The following ROCK1 variants were observed in gnomAD, a reference collection of about 807,000 sequenced individuals.
ROCK1 encodes the protein Rho associated coiled-coil containing protein kinase 1.
Under a neutral mutation model 196.8 loss-of-function variants are expected in ROCK1, and 36 were observed. The observed-to-expected ratio is 0.18, with a 90% CI of 0.14 to 0.24. ROCK1 has a LOEUF of 0.24. Among genes scored for constraint, ROCK1 ranks in the 10% least tolerant of loss-of-function variants. The probability of loss-of-function intolerance (pLI) is 1.00; values close to 1 mark genes in which losing one functional copy is unlikely to be tolerated. For synonymous variants in ROCK1, 443 were observed against 515.9 expected (o/e 0.86, Z 1.91); for missense variants, 920 against 1,562.0 (o/e 0.59, Z 6.93).
At chr18:21,032,223 G>T (rs2036014710) in intron 9 of ROCK1, among the ~76,000 whole-genome samples, 1 of 152,152 alleles carries the variant, frequency 6.6e-6, no homozygotes, top group Admixed American at 6.6e-5. Context: ...GAAGAAAAAG[G>T]AGTATCAGTA....
intron 1 of ROCK1, among the ~76,000 whole-genome samples, chr18:21,109,437 T>C (rs946029033): frequency 6.6e-6 from 1 of 152,190 alleles, no homozygotes; most frequent in Non-Finnish European, 1.5e-5. Context: ...GAAAACTGGA[T>C]AAATATTAAA....
intron 1 of ROCK1, among the ~76,000 whole-genome samples, chr18:21,078,206 G>T (rs1310296972): frequency 2.6e-5 from 4 of 152,072 alleles, no homozygotes; most frequent in African/African-American, 4.8e-5. Flanking sequence ...GCGTGCGCCT[G>T]TGGTCCCAAC....
intron 27 of ROCK1, 86 bp downstream of exon 27, chr18:20,966,831 C>A (rs2035378148): frequency 2.8e-6 from 3 of 1,053,580 alleles, no homozygotes; most frequent in Admixed American, 4.6e-5. Context: ...GACAAAATGA[C>A]AAGGAGGTAG....
At chr18:21,008,945 C>A (rs879263357) in intron 13 of ROCK1, among the ~76,000 whole-genome samples, 13 of 152,010 alleles carry the variant, frequency 8.6e-5, no homozygotes, top group Non-Finnish European at 1.9e-4. Flanking sequence ...ATGATTCTCT[C>A]ATTTTATCAC....
chr18:20,959,040 A>AATATATATAATATATTTTATATAAT (rs1376289380), intron 29 of ROCK1, among the ~76,000 whole-genome samples: 1 of 57,426 alleles, frequency 1.7e-5, no homozygotes, highest in African/African-American at 1.4e-4. Flanking sequence ...TATTTTATAT[A>AATATATATAATATATTTTATATAAT]ATATATAATA....
intron 1 of ROCK1, among the ~76,000 whole-genome samples, chr18:21,087,844 A>AATAGCAGAAT (rs1225343967): frequency 6.6e-6 from 1 of 152,214 alleles, no homozygotes; most frequent in East Asian, 1.9e-4. Context: ...TCTAACCCAA[A>AATAGCAGAAT]ATAGCAGAAT....
intron 27 of ROCK1, among the ~76,000 whole-genome samples, chr18:20,965,849 C>A (rs1420567701): frequency 6.6e-6 from 1 of 152,146 alleles, no homozygotes; most frequent in African/African-American, 2.4e-5. Flanking sequence ...AGCAAAGCCA[C>A]ACAAGAATGA....
intron 13 of ROCK1, among the ~76,000 whole-genome samples, chr18:21,011,002 T>G (rs1450954583): frequency 6.6e-6 from 1 of 152,216 alleles, no homozygotes; most frequent in East Asian, 1.9e-4. Context: ...TATGCTGCTT[T>G]CTTTTTAATA....
rs148205417 is a variant in ROCK1 at position 21,039,884 on chromosome 18, C to A, written c.960-321G>T. ...GACCAGCCCAGCCAACACTGTGAAA[C>A]CCCATCTCTACTAAAAATATAAAAC... On this transcript the variant is annotated intron_variant, in intron 8 of 32. Coordinates refer to ENST00000399799, the MANE Select transcript of ROCK1 (RefSeq NM_005406.3). Among the ~76,000 whole-genome samples the A allele has an allele frequency of 8.5e-3, 1,290 of 152,092 alleles. 5 individuals carry two copies. The highest frequency in any genetic ancestry group is 0.014 in the Middle Eastern group (4 of 294).
rs201356452 is a variant in ROCK1 at position 21,036,919 on chromosome 18, AT to A, written c.1051+2552del. 1.5e-3 allele frequency among the ~76,000 whole-genome samples: 231 copies of A among 152,082 alleles called. 2 individuals carry two copies. The highest frequency in any genetic ancestry group is 0.012 in the South Asian group (60 of 4,818). On this transcript the variant is annotated intron_variant, in intron 9 of 32. Transcript: ENST00000399799. ...GTATGCTAAATATGTAATAAATGTT[AT>A]TTTTTTTCCCCCAAATTTAACTGCC...
At chr18:21,043,558 T>C (rs1568392693) in intron 6 of ROCK1, among the ~76,000 whole-genome samples, 2 of 140,616 alleles carry the variant, frequency 1.4e-5, no homozygotes, top group African/African-American at 5.8e-5. Context: ...TTATTATATG[T>C]ATATACATAT....
chr18:21,106,520 A>C (rs2036704681), intron 1 of ROCK1, among the ~76,000 whole-genome samples: 1 of 152,248 alleles, frequency 6.6e-6, no homozygotes, highest in Non-Finnish European at 1.5e-5. Context: ...AGACTTAACT[A>C]AACTCCATCC....
chr18:21,017,983 A>G (rs967798755), intron 12 of ROCK1, among the ~76,000 whole-genome samples: 10 of 151,902 alleles, frequency 6.6e-5, no homozygotes, highest in African/African-American at 2.2e-4. Flanking sequence ...AAAAAAAATA[A>G]AAACAAAAAA....
intron 16 of ROCK1, among the ~76,000 whole-genome samples, chr18:20,993,368 A>C (rs962088871): frequency 1.3e-5 from 2 of 152,122 alleles, no homozygotes; most frequent in Admixed American, 6.5e-5. Context: ...AGGCCCGGCT[A>C]ATTTTTGTAT....
intron 1 of ROCK1, among the ~76,000 whole-genome samples, chr18:21,089,742 G>T (rs1463755494): frequency 1.1e-4 from 17 of 152,160 alleles, no homozygotes; most frequent in Non-Finnish European, 1.3e-4. Flanking sequence ...ATAACAAAGT[G>T]TCAAATATCT....
intron 1 of ROCK1, among the ~76,000 whole-genome samples, chr18:21,096,481 G>A (rs1237056500): frequency 4.6e-5 from 7 of 152,170 alleles, no homozygotes; most frequent in Admixed American, 6.5e-5. Flanking sequence ...GATTACAGGC[G>A]TGAGCCACCA....
chr18:21,054,692 TCTC>T (rs1200149347), intron 2 of ROCK1, among the ~76,000 whole-genome samples: 2 of 152,054 alleles, frequency 1.3e-5, no homozygotes, highest in Non-Finnish European at 2.9e-5. Flanking sequence ...TCTCCAATAT[TCTC>T]CTGTTTTAAT....
intron 2 of ROCK1, among the ~76,000 whole-genome samples, chr18:21,054,530 T>A (rs1213630921): frequency 6.6e-6 from 1 of 151,810 alleles, no homozygotes; most frequent in East Asian, 1.9e-4. Flanking sequence ...AAGTGGGAGA[T>A]CCCCCACATC....
intron 21 of ROCK1, among the ~76,000 whole-genome samples, chr18:20,981,839 T>G (rs893486802): frequency 1.3e-5 from 2 of 152,230 alleles, no homozygotes; most frequent in African/African-American, 4.8e-5. Context: ...ACTCAGATTC[T>G]TATCTCTCTG....
Sources: allele counts gnomAD v4.1 joint callset (sites outside exome capture counted in the v4.1 genomes callset), GRCh38; gene constraint gnomAD v4.1.1; transcripts MANE v1.5; gene names NCBI Gene and HGNC (gene_info 2026-07-23, HGNC 2026-07-21).